ENO1: variants seen among roughly 807,000 people sequenced by gnomAD.
ENO1 encodes the protein enolase 1, also known as alpha-enolase.
A neutral mutation model predicts 46.3 loss-of-function variants in ENO1; 33 were observed. The ratio of observed to expected loss-of-function variants is 0.71; its 90% CI spans 0.54 to 0.95. ENO1 has a LOEUF of 0.95. ENO1 is among the 40% of genes least tolerant of loss of function. The pLI is 0.00. For synonymous variants in ENO1, 220 were observed against 216.0 expected (o/e 1.02, Z -0.16); for missense variants, 488 against 553.3 (o/e 0.88, Z 1.18).
intron 10 of ENO1, 24 bp from the exon 11 acceptor site, chr1:8,862,969 G>A (rs2765522): frequency 6.2e-7 from 1 of 1,613,294 alleles, no homozygotes; most frequent in East Asian, 2.2e-5. Flanking sequence ...AAGGCCATTT[G>A]CTTACAGCGG....
In ENO1 at chr1:8,874,879, C is replaced by T. The variant is rs1249090338; in HGVS notation, c.30G>A (p.Glu10=). The change falls in exon 2 of 12, where the codon GAG becomes GAA. Residue 10 remains glutamate, a synonymous_variant. Transcript: ENST00000234590. MSILKIHAR[E]IFDSRGNPTV... Reference sequence around the variant, plus strand: ...TGGGATTCCCGCGAGAGTCAAAGATCTCCCTGGCATGGATCTTGAGAATAG... The same window carrying T: ...TGGGATTCCCGCGAGAGTCAAAGATTTCCCTGGCATGGATCTTGAGAATAG... The T allele has an allele frequency of 6.2e-7, 1 of 1,613,798 alleles. No homozygotes were observed. Among genetic ancestry groups the T allele is most frequent in the Non-Finnish European group, 8.5e-7 (1 of 1,179,894 alleles).
rs1377156478 is a variant in ENO1 at position 8,870,526 on chromosome 1, A to C, written c.182-16T>G. 1.2e-6 allele frequency: 2 copies of C among 1,614,164 alleles called. No homozygotes were observed. The highest frequency in any genetic ancestry group is 3.3e-5 in the Admixed American group (2 of 60,022). On this transcript the variant is annotated splice_polypyrimidine_tract_variant and intron_variant, in intron 3 of 11. Transcript: ENST00000234590. Reference sequence around the variant, plus strand: ...TTTGAGACACCTGGAAGGAACAATCAAATCAAATTACTGACATTAACTTTA... The same window carrying C: ...TTTGAGACACCTGGAAGGAACAATCCAATCAAATTACTGACATTAACTTTA...
chr1:8,862,791 A>G (rs1642433200), intron 11 of ENO1, 96 bp downstream of exon 11: 6 of 1,400,266 alleles, frequency 4.3e-6, no homozygotes, highest in Non-Finnish European at 9.8e-7. Flanking sequence ...ACATGTTCCC[A>G]GAGCCAGGAG....
chr1:8,863,099 T>C, intron 10 of ENO1, 136 bp downstream of exon 10: 1 of 1,343,222 alleles, frequency 7.4e-7, no homozygotes, highest in Non-Finnish European at 1.0e-6. Flanking sequence ...CATGCCCCCA[T>C]TCTGTTCAGC....
At chr1:8,863,490 CAG>C in intron 9 of ENO1, 147 bp from the exon 10 acceptor site, 1 of 779,568 alleles carries the variant, frequency 1.3e-6, no homozygotes, top group South Asian at 1.8e-5. Flanking sequence ...GTCAAGAGCA[CAG>C]AGGAGAACCC....
chr1:8,876,951 G>A (rs976646078), intron 1 of ENO1, among the ~76,000 whole-genome samples: 2 of 151,414 alleles, frequency 1.3e-5, no homozygotes, highest in Admixed American at 6.6e-5. Flanking sequence ...TCAGCCTCCC[G>A]AGTAGGTGGG....
intron 4 of ENO1, 192 bp downstream of exon 4, chr1:8,870,260 G>GC (rs985394715): frequency 6.4e-6 from 4 of 629,572 alleles, no homozygotes; most frequent in Non-Finnish European, 1.1e-5. Context: ...AATTCCATCT[G>GC]CTCCCAAAAG....
intron 1 of ENO1, 96 bp from the exon 2 acceptor site, chr1:8,875,013 G>C (rs113341251): frequency 9.8e-7 from 1 of 1,020,464 alleles, no homozygotes; most frequent in South Asian, 1.4e-5. Context: ...GTGGACTAGA[G>C]AGAATCAGCA....
At chr1:8,875,033 A>G (rs1335810311) in intron 1 of ENO1, 116 bp from the exon 2 acceptor site, 1 of 769,048 alleles carries the variant, frequency 1.3e-6, no homozygotes, top group Non-Finnish European at 2.1e-6. Context: ...ACTGGACTAA[A>G]TACTGGATGT....
intron 2 of ENO1, among the ~76,000 whole-genome samples, chr1:8,872,534 C>T (rs958866773): frequency 3.9e-5 from 6 of 152,134 alleles, no homozygotes; most frequent in African/African-American, 1.2e-4. Context: ...AGCAGCCTGC[C>T]ACCACGCCCG....
In ENO1 at chr1:8,862,636, T is replaced by G. The variant is rs796107953; in HGVS notation, c.1235+251A>C. On this transcript the variant is annotated intron_variant, in intron 11 of 11. Coordinates refer to ENST00000234590, the MANE Select transcript of ENO1 (RefSeq NM_001428.5). ...CTGTCAAAGGGGGTCCCATTCTTTC[T>G]CACCAGAAGAGGGCAGCACTGTGTG... Among the ~76,000 whole-genome samples, 23 of 152,342 alleles carry G rather than the reference T, an allele frequency of 1.5e-4. 1 individual carries two copies. Among genetic ancestry groups the G allele is most frequent in the African/African-American group, 5.3e-4 (22 of 41,582 alleles).
intron 2 of ENO1, among the ~76,000 whole-genome samples, chr1:8,872,459 T>C (rs1642653806): frequency 6.6e-6 from 1 of 152,078 alleles, no homozygotes; most frequent in South Asian, 2.1e-4. Flanking sequence ...CTTGGCTCAC[T>C]GCAATCTCCA....
In ENO1 at chr1:8,864,004, A is replaced by G. The variant is rs1569896024; in HGVS notation, c.954T>C (p.Asp318=). 6.2e-7 allele frequency: 1 copy of G among 1,614,150 alleles called. No individual in the cohort carries two copies. Among genetic ancestry groups the G allele is most frequent in the African/African-American group, 1.3e-5 (1 of 75,012 alleles). The change falls in exon 9 of 12, where the codon GAT becomes GAC. Residue 318 remains aspartate, a synonymous_variant. Coordinates refer to ENST00000234590, the MANE Select transcript of ENO1 (RefSeq NM_001428.5). The stretch of plus-strand genomic sequence containing the variant: ...TCTTTGGGTTGGTCACTGTGAGATC[A>G]TCCCCCACTACCTGGATTCCTGCAC... ...TASAGIQVVG[D]DLTVTNPKRI...
chr1:8,866,253 G>C (rs752295967), intron 7 of ENO1, 26 bp downstream of exon 7: 7 of 1,609,312 alleles, frequency 4.3e-6, no homozygotes, highest in Non-Finnish European at 5.9e-6. Context: ...GGGCTGGGTG[G>C]GGGGGCGGTT....
chr1:8,876,906 G>A (rs1243251689), intron 1 of ENO1, among the ~76,000 whole-genome samples: 1 of 151,584 alleles, frequency 6.6e-6, no homozygotes, highest in Admixed American at 6.6e-5. Flanking sequence ...GTGCAATGGC[G>A]CCATTTTGGC....
intron 4 of ENO1, chr1:8,870,171 ATCTTAATT>A (rs1177589630): frequency 2.2e-6 from 1 of 449,276 alleles, no homozygotes; most frequent in African/African-American, 1.9e-5. Context: ...TAAAATCTGG[ATCTTAATT>A]TCTTCAAAGG....
intron 11 of ENO1, among the ~76,000 whole-genome samples, chr1:8,861,820 G>C (rs1214479354): frequency 6.7e-6 from 1 of 148,382 alleles, no homozygotes; most frequent in African/African-American, 2.5e-5. Context: ...ATGGCATGGG[G>C]AGAAAAGGAG....
chr1:8,871,446 C>G (rs1375057724), intron 3 of ENO1: 1 of 999,386 alleles, frequency 1.0e-6, no homozygotes, highest in South Asian at 4.4e-5. Context: ...AAATGACACA[C>G]CTGCAGCTCA....
chr1:8,866,245 G>T, intron 7 of ENO1, 34 bp downstream of exon 7: 1 of 1,603,826 alleles, frequency 6.2e-7, no homozygotes. Flanking sequence ...GCGCTGCAGG[G>T]CTGGGTGGGG....
Sources: gnomAD v4.1 joint callset for allele counts (sites outside exome capture counted in the v4.1 genomes callset) on GRCh38, gnomAD v4.1.1 for gene constraint, MANE v1.5 for transcripts, NCBI Gene and HGNC (gene_info 2026-07-23, HGNC 2026-07-21) for gene names.